Variants in GRIK4 observed in about 807,000 individuals in gnomAD.
GRIK4 encodes the protein glutamate ionotropic receptor kainate type subunit 4, also known as glutamate receptor ionotropic, kainate 4.
Under a neutral mutation model 104.9 loss-of-function variants are expected in GRIK4, and 40 were observed. The observed-to-expected ratio is 0.38, with a 90% CI of 0.30 to 0.50. The LOEUF (loss-of-function observed/expected upper bound fraction) is 0.50. Ranked by LOEUF, GRIK4 falls within the 20% of genes least tolerant of loss-of-function variation. GRIK4 has a pLI of 0.93. For missense variants in GRIK4, 1,047 were observed against 1,308.1 expected (o/e 0.80, Z 3.08); for synonymous variants, 485 against 524.9 (o/e 0.92, Z 1.04).
At position 120,955,463 on chromosome 11, in the gene GRIK4, C is replaced by T. The variant is rs146901623; in HGVS notation, c.1701-1317C>T. Among the ~76,000 whole-genome samples the T allele has an allele frequency of 2.9e-4, 44 of 152,354 alleles. No individual in the cohort carries two copies. In the East Asian group the frequency reaches 6.9e-3, roughly 24 times the overall value. On this transcript the variant is annotated intron_variant, in intron 15 of 20. Coordinates refer to ENST00000527524, the MANE Select transcript of GRIK4 (RefSeq NM_014619.5). ...GAAGATAACACCGAGCACACAGCACCCCGCCCTCCTGGGGGTGCACACCTG... is the reference window on the plus strand; with the variant it reads ...GAAGATAACACCGAGCACACAGCACTCCGCCCTCCTGGGGGTGCACACCTG...
chr11:120,747,833 C>T (rs901958737), intron 3 of GRIK4, among the ~76,000 whole-genome samples: 11 of 152,196 alleles, frequency 7.2e-5, no homozygotes, highest in Admixed American at 7.2e-4. Context: ...TTTGCGTGTG[C>T]GTGGCTACGC....
At chr11:120,754,614 A>G (rs1276381862) in intron 3 of GRIK4, among the ~76,000 whole-genome samples, 1 of 152,224 alleles carries the variant, frequency 6.6e-6, no homozygotes, top group African/African-American at 2.4e-5. Flanking sequence ...ACCTAGGAGT[A>G]GAATTGCTAA....
chr11:120,564,941 C>T (rs566842703), intron 1 of GRIK4, among the ~76,000 whole-genome samples: 1,907 of 151,488 alleles, frequency 0.013, 35 homozygotes, highest in African/African-American at 0.043. Context: ...TTTCGCCCAC[C>T]GCCTCCCTTT....
intron 3 of GRIK4, among the ~76,000 whole-genome samples, chr11:120,770,424 A>G (rs1404669803): frequency 6.6e-6 from 1 of 152,174 alleles, no homozygotes; most frequent in Non-Finnish European, 1.5e-5. Context: ...TTAGTGGCAA[A>G]CTGTTTCTCA....
chr11:120,678,351 G>A (rs1291804729), intron 3 of GRIK4, among the ~76,000 whole-genome samples: 2 of 152,136 alleles, frequency 1.3e-5, no homozygotes, highest in Non-Finnish European at 2.9e-5. Flanking sequence ...TGAGGCTGTG[G>A]TGCTCAGAAG....
At chr11:120,788,062 G>T (rs1389022032) in intron 3 of GRIK4, among the ~76,000 whole-genome samples, 1 of 150,324 alleles carries the variant, frequency 6.7e-6, no homozygotes, top group African/African-American at 2.4e-5. Flanking sequence ...GTAGAGATGG[G>T]GTTTCACCAT....
intron 3 of GRIK4, among the ~76,000 whole-genome samples, chr11:120,794,932 G>A (rs1218070733): frequency 6.6e-6 from 1 of 152,100 alleles, no homozygotes; most frequent in African/African-American, 2.4e-5. Context: ...CCAAGGACAA[G>A]GGGCTGAAGA....
intron 1 of GRIK4, among the ~76,000 whole-genome samples, chr11:120,593,526 C>T (rs1023168389): frequency 6.6e-6 from 1 of 152,092 alleles, no homozygotes; most frequent in South Asian, 2.1e-4. Flanking sequence ...CTGTCTTTCT[C>T]GTATCCCTTT....
chr11:120,770,074 C>T (rs1481531273), intron 3 of GRIK4, among the ~76,000 whole-genome samples: 3 of 152,156 alleles, frequency 2.0e-5, no homozygotes, highest in Admixed American at 6.5e-5. Flanking sequence ...TGTTGTTAGA[C>T]CCAGAGGAGT....
At chr11:120,684,865 G>A (rs1005350220) in intron 3 of GRIK4, among the ~76,000 whole-genome samples, 7 of 152,180 alleles carry the variant, frequency 4.6e-5, no homozygotes, top group East Asian at 1.9e-4. Context: ...GCCCGCCACC[G>A]CGCCCGGCTA....
At chr11:120,923,790 A>G (rs1281242774) in intron 13 of GRIK4, among the ~76,000 whole-genome samples, 5 of 152,276 alleles carry the variant, frequency 3.3e-5, no homozygotes, top group African/African-American at 9.6e-5. Flanking sequence ...ATGAGAAAGC[A>G]AGTTCAGAGA....
At chr11:120,711,943 C>T (rs1263587603) in intron 3 of GRIK4, among the ~76,000 whole-genome samples, 1 of 152,106 alleles carries the variant, frequency 6.6e-6, no homozygotes, top group Non-Finnish European at 1.5e-5. Context: ...CATTAAGAAT[C>T]CAATTCATTC....
intron 9 of GRIK4, among the ~76,000 whole-genome samples, chr11:120,865,662 A>G (rs912241028): frequency 4.7e-4 from 71 of 152,184 alleles, no homozygotes; most frequent in African/African-American, 1.7e-3. Flanking sequence ...GCACACACAC[A>G]AACTCAGTGT....
At chr11:120,683,270 T>C (rs1950226121) in intron 3 of GRIK4, among the ~76,000 whole-genome samples, 1 of 152,132 alleles carries the variant, frequency 6.6e-6, no homozygotes, top group South Asian at 2.1e-4. Flanking sequence ...TAAACATCTT[T>C]TTGAAGTTGA....
chr11:120,523,377 G>A lies in GRIK4; in HGVS notation c.-159+11490G>A, dbSNP rs372020591. The stretch of plus-strand genomic sequence containing the variant: ...TCCTGCACGGAGCTGTGGGGTGGCG[G>A]CTGCTGGGCTCTCTCTTGCCCTCAG... On this transcript the variant is annotated intron_variant, in intron 1 of 20. Coordinates refer to ENST00000527524, the MANE Select transcript of GRIK4 (RefSeq NM_014619.5). 8.5e-5 allele frequency among the ~76,000 whole-genome samples: 13 copies of A among 152,150 alleles called. No individual in the cohort carries two copies. In the East Asian group the frequency reaches 2.3e-3, roughly 27 times the overall value.
At chr11:120,707,554 T>G (rs1237662784) in intron 3 of GRIK4, among the ~76,000 whole-genome samples, 1 of 152,254 alleles carries the variant, frequency 6.6e-6, no homozygotes, top group Non-Finnish European at 1.5e-5. Flanking sequence ...CCAAACTGTT[T>G]CCAGTTGTCT....
At chr11:120,744,683 T>C (rs1211858891) in intron 3 of GRIK4, among the ~76,000 whole-genome samples, 1 of 152,160 alleles carries the variant, frequency 6.6e-6, no homozygotes, top group Non-Finnish European at 1.5e-5. Flanking sequence ...GTGGCATTTG[T>C]ATAAAAAGAC....
At chr11:120,803,785 C>T (rs1018837393) in intron 4 of GRIK4, among the ~76,000 whole-genome samples, 5 of 152,226 alleles carry the variant, frequency 3.3e-5, no homozygotes, top group Non-Finnish European at 7.3e-5. Flanking sequence ...CTGTGAATTG[C>T]AGTGTTTTAC....
intron 3 of GRIK4, among the ~76,000 whole-genome samples, chr11:120,786,415 C>T (rs1276852253): frequency 2.0e-5 from 3 of 152,218 alleles, no homozygotes; most frequent in Non-Finnish European, 4.4e-5. Flanking sequence ...TCTGCTGGGG[C>T]TAACCCATTG....
Sources: gnomAD v4.1 joint callset for allele counts (sites outside exome capture counted in the v4.1 genomes callset) on GRCh38, gnomAD v4.1.1 for gene constraint, MANE v1.5 for transcripts, NCBI Gene and HGNC (gene_info 2026-07-23, HGNC 2026-07-21) for gene names.